The following FCSK variants were observed in gnomAD, a reference collection of about 807,000 sequenced individuals.
The protein encoded by FCSK is fucose kinase.
Under a neutral mutation model 122.5 loss-of-function variants are expected in FCSK, and 123 were observed. The ratio of observed to expected loss-of-function variants is 1.00; its 90% CI spans 0.87 to 1.17. The LOEUF (loss-of-function observed/expected upper bound fraction) is 1.17. Among genes scored for constraint, FCSK ranks in the 50% most tolerant of loss-of-function variants. The pLI is 0.00. For missense variants in FCSK, 1,366 were observed against 1,450.4 expected (o/e 0.94, Z 0.95); for synonymous variants, 620 against 625.5 (o/e 0.99, Z 0.13).
intron 2 of FCSK, 136 bp from the exon 3 acceptor site, chr16:70,463,487 G>T: frequency 2.6e-6 from 3 of 1,169,138 alleles, no homozygotes; most frequent in Admixed American, 2.0e-5. Context: ...ACTAAGTTGG[G>T]TGAAGATCTA....
Position 70,473,297 on chromosome 16 carries a change from T to C in FCSK, c.1721T>C (p.Ile574Thr). ...CAGGACCTCAGCCTGCGCCCGCTGA[T>C]CTGGGCTGCTGTCCGCGAGGGCTGC... ...ARQDLSLRPL[I>T]WAAVREGCPG... The change falls in exon 15 of 24, where the codon ATC becomes ACC. Residue 574 changes from isoleucine to threonine, a missense_variant. Transcript: ENST00000288078. This position sits in a 1 kb window ranked among gnomAD's most constrained non-coding sequence, Gnocchi z 4.9. 1.3e-6 allele frequency: 2 copies of C among 1,527,908 alleles called. No homozygotes were observed. The highest frequency in any genetic ancestry group is 1.8e-6 in the Non-Finnish European group (2 of 1,137,980). The allele number at this position is 1,527,908 out of a possible 1,614,324, so 94.6% of individuals were successfully genotyped here.
chr16:70,475,290 G>C, intron 18 of FCSK, 60 bp from the exon 19 acceptor site: 1 of 1,589,554 alleles, frequency 6.3e-7, no homozygotes, highest in Non-Finnish European at 8.5e-7. Flanking sequence ...TCCAGGGTGG[G>C]TGGGTGCCTG....
At chr16:70,469,104 G>C (rs772343532) in intron 9 of FCSK, 48 bp from the exon 10 acceptor site, 21 of 1,611,218 alleles carry the variant, frequency 1.3e-5, no homozygotes, top group Non-Finnish European at 1.6e-5. Flanking sequence ...GAACTTGGGG[G>C]CTGAACCCCT....
chr16:70,463,597 G>A, intron 2 of FCSK, 26 bp from the exon 3 acceptor site: 1 of 1,611,308 alleles, frequency 6.2e-7, no homozygotes, highest in South Asian at 1.1e-5. Context: ...CTGGGGGGCA[G>A]GTCCCAGTGT....
intron 3 of FCSK, among the ~76,000 whole-genome samples, chr16:70,464,112 G>C (rs1196634836): frequency 6.6e-6 from 1 of 152,158 alleles, no homozygotes; most frequent in Non-Finnish European, 1.5e-5. Flanking sequence ...TGCCTGCTTT[G>C]GGCAGGCCAT....
At chr16:70,463,315 C>T (rs368050018) in intron 2 of FCSK, 43 bp downstream of exon 2, 9 of 1,528,192 alleles carry the variant, frequency 5.9e-6, no homozygotes, top group Non-Finnish European at 8.1e-6. Context: ...TGGAGAACCT[C>T]CCTCCCCTTC....
rs776392728 is a variant in FCSK, at chr16:70,463,740, C to G, written c.200C>G (p.Ala67Gly). 1.2e-6 allele frequency: 2 copies of G among 1,612,250 alleles called. No individual in the cohort carries two copies. Among genetic ancestry groups the G allele is most frequent in the Non-Finnish European group, 1.7e-6 (2 of 1,179,872 alleles). The change falls in exon 3 of 24, where the codon GCT becomes GGT. Residue 67 changes from alanine to glycine, a missense_variant. Coordinates refer to ENST00000288078, the MANE Select transcript of FCSK (RefSeq NM_145059.3). The part of the protein sequence containing the change: ...GGATLNALLV[A>G]AEHLSARAGF... Reference sequence around the variant, plus strand: ...GCCACCCTCAACGCCCTGCTGGTGGCTGCTGAACACCTGAGTGCCCGGGCA... The same window carrying G: ...GCCACCCTCAACGCCCTGCTGGTGGGTGCTGAACACCTGAGTGCCCGGGCA...
At chr16:70,478,188 AAGGGGTGCAGGGCCGGG>A in intron 20 of FCSK, 67 bp from the exon 21 acceptor site, 1 of 1,392,394 alleles carries the variant, frequency 7.2e-7, no homozygotes, top group Non-Finnish European at 1.0e-6. Context: ...TGGTCCCAGC[AAGGGGTGCAGGGCCGGG>A]AGCCTAGGCT....
At chr16:70,460,380 G>T (rs2048228190) in intron 1 of FCSK, among the ~76,000 whole-genome samples, 1 of 150,710 alleles carries the variant, frequency 6.6e-6, no homozygotes, top group Non-Finnish European at 1.5e-5. Context: ...CAAAGTGCTG[G>T]GATTACAGGC....
chr16:70,472,748 C>G, intron 14 of FCSK, 143 bp downstream of exon 14: 3 of 812,408 alleles, frequency 3.7e-6, no homozygotes, highest in Non-Finnish European at 5.7e-6. Flanking sequence ...CAGCCGGATT[C>G]TCTCCAGTAC....
intron 4 of FCSK, among the ~76,000 whole-genome samples, chr16:70,465,614 C>T (rs1216248475): frequency 1.3e-5 from 2 of 151,378 alleles, no homozygotes; most frequent in Non-Finnish European, 2.9e-5. Context: ...GTTATGATTA[C>T]ACCACTGCAC....
At chr16:70,454,856 C>T (rs959251187) in intron 1 of FCSK, 2 of 152,268 alleles carry the variant, frequency 1.3e-5, no homozygotes, top group African/African-American at 4.8e-5. Flanking sequence ...AAGGGGAGCC[C>T]CGCGACCCGG....
At position 70,474,547 on chromosome 16, in the gene FCSK, G is replaced by A. The variant is rs1280854985; in HGVS notation, c.2008G>A (p.Ala670Thr). Reference sequence around the variant, plus strand: ...TGGCAGGCCAGCCTTGCTGGTGCGAGCGGCCCGCCACTATGAGGGGGCTGG... The same window carrying A: ...TGGCAGGCCAGCCTTGCTGGTGCGAACGGCCCGCCACTATGAGGGGGCTGG... The part of the protein sequence containing the change: ...WLSRPALLVR[A>T]ARHYEGAGQI... The change falls in exon 17 of 24, where the codon GCG (alanine) becomes ACG (threonine). Residue 670 changes from alanine (A) to threonine (T), a missense_variant. Transcript: ENST00000288078. 6.5e-7 allele frequency: 1 copy of A among 1,548,466 alleles called. No individual in the cohort carries two copies. Among genetic ancestry groups the A allele is most frequent in the African/African-American group, 1.4e-5 (1 of 73,162 alleles).
chr16:70,471,301 C>A lies in FCSK; in HGVS notation c.1290C>A (p.His430Gln). 6.2e-7 allele frequency: 1 copy of A among 1,602,780 alleles called. No homozygotes were observed. Among genetic ancestry groups the A allele is most frequent in the African/African-American group, 1.3e-5 (1 of 74,910 alleles). Residue 430 changes from histidine to glutamine, a missense_variant, in exon 13 of 24, where the codon CAC (histidine) becomes CAA (glutamine). Transcript: ENST00000288078. ...TGCAGGGACACCACACGCGGCTACA[C>A]GGCTCCCCGGGCCACGCCTTCACCC... ...LVLQGHHTRL[H>Q]GSPGHAFTLV...
In FCSK at chr16:70,472,534, C is replaced by T. The variant is rs1597627696; in HGVS notation, c.1342-7C>T. ...TGCAGCCCTGACTGCTTCTTCCTCT[C>T]CCCCAGAGACAGGGGGCAGGCACAT... On this transcript the variant is annotated splice_region_variant and splice_polypyrimidine_tract_variant and intron_variant, in intron 13 of 23. Transcript: ENST00000288078. The T allele has an allele frequency of 1.2e-6, 2 of 1,610,668 alleles. No individual in the cohort carries two copies. The highest frequency in any genetic ancestry group is 2.2e-5 in the East Asian group (1 of 44,772).
In FCSK at chr16:70,479,806, AC is replaced by A; in HGVS notation, c.*128del. The A allele has an allele frequency of 1.4e-6, 1 of 691,340 alleles. No homozygotes were observed. The highest frequency in any genetic ancestry group is 2.4e-6 in the Non-Finnish European group (1 of 411,268). 42.8% of individuals were successfully genotyped at this position (691,340 alleles called of 1,614,324 possible). A position where few individuals can be genotyped will look rare whatever the true frequency, so the allele number is the denominator to read the frequency against. ...GCGAATCTGCTCCCAAAGGAAGCTG[AC>A]CAGAGCAAGATCTGGGCAAGCAGAG... On this transcript the variant is annotated 3_prime_UTR_variant, in exon 24 of 24. Transcript: ENST00000288078.
chr16:70,473,224 T>G lies in FCSK; in HGVS notation c.1648T>G (p.Phe550Val). The change falls in exon 15 of 24, where the codon TTC becomes GTC. Residue 550 changes from phenylalanine (F) to valine (V), a missense_variant. Coordinates refer to ENST00000288078, the MANE Select transcript of FCSK (RefSeq NM_145059.3). The surrounding 1 kb of genome is among the most constrained non-coding windows in gnomAD (Gnocchi z 4.9). ...CACGCTGGCCTCTCGCCGGGACCTG[T>G]TCTTCCGCCAGGCCCTGCATAAGGC... ...AATLASRRDL[F>V]FRQALHKARH... 1 of 1,535,780 alleles carries G rather than the reference T, an allele frequency of 6.5e-7. No individual in the cohort carries two copies. Among genetic ancestry groups the G allele is most frequent in the Non-Finnish European group, 8.7e-7 (1 of 1,145,862 alleles).
At chr16:70,466,061 G>A (rs905859168) in intron 4 of FCSK, 71 bp from the exon 5 acceptor site, 1 of 1,539,108 alleles carries the variant, frequency 6.5e-7, no homozygotes, top group Non-Finnish European at 8.9e-7. Flanking sequence ...ATGGCTTTCT[G>A]CCTGCACAGC....
intron 4 of FCSK, 68 bp downstream of exon 4, chr16:70,465,244 T>C: frequency 7.0e-7 from 1 of 1,425,526 alleles, no homozygotes; most frequent in Non-Finnish European, 9.7e-7. Context: ...TGAGCAGGAC[T>C]TCAGGGGTGT....
Sources: allele counts gnomAD v4.1 joint callset (sites outside exome capture counted in the v4.1 genomes callset), GRCh38; gene constraint gnomAD v4.1.1; non-coding constraint Gnocchi (gnomAD v3.1); transcripts MANE v1.5; gene names NCBI Gene and HGNC (gene_info 2026-07-23, HGNC 2026-07-21).